The following XYLT1 variants were observed in gnomAD, a reference collection of about 807,000 sequenced individuals.
The protein encoded by XYLT1 is beta-D-xylosyltransferase 1.
In XYLT1, 36 loss-of-function variants were observed where a neutral mutation model predicts 91.3. That is an observed-to-expected ratio of 0.39 (90% confidence interval 0.30 to 0.52). The LOEUF (loss-of-function observed/expected upper bound fraction) is 0.52. XYLT1 is among the 20% of genes least tolerant of loss of function. The pLI is 0.68. For missense variants in XYLT1, 1,242 were observed against 1,284.5 expected, an observed-to-expected ratio of 0.97 and a Z score of 0.51; for synonymous variants, 588 against 532.0, an observed-to-expected ratio of 1.11 and a Z score of -1.45.
rs539217335 is a variant in XYLT1, at chr16:17,218,961, G to C, written c.914-18307C>G. 8.3e-4 allele frequency among the ~76,000 whole-genome samples: 126 copies of C among 152,288 alleles called. 4 individuals carry two copies. In the South Asian group the frequency reaches 0.025, roughly 30 times the overall value. On this transcript the variant is annotated intron_variant, in intron 3 of 11. Coordinates refer to ENST00000261381, the MANE Select transcript of XYLT1 (RefSeq NM_022166.4). ...GAGGTGGAGGGGGAAGACAGCAGTG[G>C]ACAGGATGGACTTATCACTTATTTG...
At chr16:17,435,368 C>CT (rs1359819327) in intron 1 of XYLT1, among the ~76,000 whole-genome samples, 1 of 152,192 alleles carries the variant, frequency 6.6e-6, no homozygotes, top group Non-Finnish European at 1.5e-5. Flanking sequence ...CTGGAACCTT[C>CT]TTTTACCAAG....
chr16:17,470,513 G>T lies in XYLT1; in HGVS notation c.284C>A (p.Ala95Glu). The change falls in exon 1 of 12, where the codon GCG becomes GAG. Residue 95 changes from alanine to glutamate, a missense_variant. By Grantham distance (107) the Ala-to-Glu change is moderately radical (BLOSUM62 -1). Around this residue, in one of 3 missense-constraint regions of XYLT1, gnomAD observed 437 missense variants for 411.5 expected, o/e 1.06. Coordinates refer to ENST00000261381, the MANE Select transcript of XYLT1 (RefSeq NM_022166.4). ...GGGGGGRGPQ[A>E]RARGGGPGEP... ...TCCGGGGCCGCCTCCCCGCGCCCGC[G>T]CCTGGGGCCCCCGTCCTCCTCCTCC... is the stretch of plus-strand genomic sequence containing the variant. The T allele has an allele frequency of 4.1e-6, 5 of 1,228,670 alleles. No individual in the cohort carries two copies. Among genetic ancestry groups the T allele is most frequent in the Non-Finnish European group, 5.1e-6 (5 of 986,752 alleles). The allele number at this position is 1,228,670 out of a possible 1,614,324, so 76.1% of individuals were successfully genotyped here. A position where few individuals can be genotyped will look rare whatever the true frequency, so the allele number is the denominator to read the frequency against.
intron 1 of XYLT1, chr16:17,446,379 T>C (rs780240745): frequency 2.0e-5 from 3 of 152,230 alleles, no homozygotes; most frequent in Non-Finnish European, 2.9e-5. Flanking sequence ...CACAATAACC[T>C]TTCAGATTAG....
intron 3 of XYLT1, among the ~76,000 whole-genome samples, chr16:17,214,802 G>C (rs1380084337): frequency 1.3e-5 from 2 of 152,158 alleles, no homozygotes; most frequent in East Asian, 3.9e-4. Flanking sequence ...ATAATGATTT[G>C]CAAATGACTA....
chr16:17,336,606 T>G (rs1296700387), intron 2 of XYLT1, among the ~76,000 whole-genome samples: 1 of 151,992 alleles, frequency 6.6e-6, no homozygotes, highest in East Asian at 1.9e-4. Flanking sequence ...GAAAACCTCC[T>G]CCTCCTAGGC....
At chr16:17,320,666 T>C (rs1023363106) in intron 2 of XYLT1, among the ~76,000 whole-genome samples, 1 of 151,136 alleles carries the variant, frequency 6.6e-6, no homozygotes, top group African/African-American at 2.4e-5. Flanking sequence ...ATTTTTAGTA[T>C]AGACGCGGTT....
chr16:17,319,130 C>G (rs2034679281), intron 2 of XYLT1, among the ~76,000 whole-genome samples: 2 of 152,094 alleles, frequency 1.3e-5, no homozygotes, highest in South Asian at 4.1e-4. Context: ...GAGCTACCTC[C>G]ACTTTTTAAG....
At chr16:17,184,744 A>T (rs1397053433) in intron 5 of XYLT1, among the ~76,000 whole-genome samples, 2 of 152,194 alleles carry the variant, frequency 1.3e-5, no homozygotes, top group African/African-American at 4.8e-5. Flanking sequence ...CTCAATGAGC[A>T]TCTATTTAAT....
Position 17,372,580 on chromosome 16 carries a change from A to C in XYLT1, c.364-14530T>G, listed in dbSNP as rs529464359. Among the ~76,000 whole-genome samples the C allele has an allele frequency of 2.6e-5, 4 of 152,358 alleles. No homozygotes were observed. In the East Asian group the frequency reaches 5.8e-4, roughly 22 times the overall value. ...GTAAGGCCTGTCGAATTCAGGACCA[A>C]GGACAGCTGGTCTGGCCCATTTTTA... On this transcript the variant is annotated intron_variant, in intron 1 of 11. Transcript: ENST00000261381.
At chr16:17,136,245 C>A (rs1469448357) in intron 8 of XYLT1, among the ~76,000 whole-genome samples, 1 of 152,174 alleles carries the variant, frequency 6.6e-6, no homozygotes, top group East Asian at 1.9e-4. Flanking sequence ...CAGACTCACA[C>A]CATTGTAAGA....
chr16:17,315,858 G>A (rs565331013), intron 2 of XYLT1, among the ~76,000 whole-genome samples: 30 of 152,242 alleles, frequency 2.0e-4, no homozygotes, highest in Middle Eastern at 3.4e-3. Flanking sequence ...CCCTGATCAT[G>A]CCTCGGCAAG....
At chr16:17,250,577 G>C (rs2033521804) in intron 3 of XYLT1, 1 of 152,256 alleles carries the variant, frequency 6.6e-6, no homozygotes, top group Non-Finnish European at 1.5e-5. Context: ...CCCTGTCCTG[G>C]AGCACAGCCT....
chr16:17,246,942 C>T (rs1430575479), intron 3 of XYLT1, among the ~76,000 whole-genome samples: 2 of 152,152 alleles, frequency 1.3e-5, no homozygotes, highest in Non-Finnish European at 2.9e-5. Context: ...GGGCACACAG[C>T]TTGAGCACCT....
intron 5 of XYLT1, among the ~76,000 whole-genome samples, chr16:17,174,721 GAATGTATT>G: frequency 6.6e-6 from 1 of 152,156 alleles, no homozygotes; most frequent in African/African-American, 2.4e-5. Context: ...ATACCATTGT[GAATGTATT>G]AAGCGCCACT....
intron 5 of XYLT1, among the ~76,000 whole-genome samples, chr16:17,176,818 C>T (rs943069936): frequency 4.0e-5 from 6 of 148,366 alleles, no homozygotes; most frequent in African/African-American, 1.3e-4. Context: ...CTCCAGCAGG[C>T]TGGTACAGTC....
chr16:17,311,852 G>C (rs960452295), intron 2 of XYLT1, among the ~76,000 whole-genome samples: 2 of 147,020 alleles, frequency 1.4e-5, no homozygotes, highest in East Asian at 4.0e-4. Context: ...AGGAAAATGA[G>C]AGCCAAGCAA....
chr16:17,329,967 T>C (rs1188771207), intron 2 of XYLT1, among the ~76,000 whole-genome samples: 1 of 152,196 alleles, frequency 6.6e-6, no homozygotes, highest in Non-Finnish European at 1.5e-5. Context: ...ATAGTACATG[T>C]TCCATCAATA....
chr16:17,452,760 CTATT>C (rs2036683518), intron 1 of XYLT1, among the ~76,000 whole-genome samples: 1 of 152,082 alleles, frequency 6.6e-6, no homozygotes. Flanking sequence ...CTTTTGAAAT[CTATT>C]AAGATTCTTT....
intron 1 of XYLT1, among the ~76,000 whole-genome samples, chr16:17,404,110 GC>G (rs2036001073): frequency 6.7e-6 from 1 of 149,520 alleles, no homozygotes; most frequent in South Asian, 2.1e-4. Flanking sequence ...TGGGGGGGGG[GC>G]TCAGGGAGGA....
Sources: allele counts gnomAD v4.1 joint callset (sites outside exome capture counted in the v4.1 genomes callset), GRCh38; gene constraint gnomAD v4.1.1; regional missense constraint gnomAD v4.1.1; transcripts MANE v1.5; gene names NCBI Gene and HGNC (gene_info 2026-07-23, HGNC 2026-07-21).